ZZZ3: variants seen among roughly 807,000 people sequenced by gnomAD.
ZZZ3 encodes the protein zinc finger ZZ-type containing 3.
ZZZ3 carries 22 observed loss-of-function variants against 95.2 expected under a neutral mutation model. The observed-to-expected ratio is 0.23, with a 90% CI of 0.17 to 0.33. ZZZ3 has a LOEUF of 0.33. ZZZ3 is among the 10% of genes least tolerant of loss of function. The probability of loss-of-function intolerance (pLI) is 1.00; values close to 1 mark genes in which losing one functional copy is unlikely to be tolerated. For missense variants in ZZZ3, 885 were observed against 1,066.5 expected, an observed-to-expected ratio of 0.83 and a Z score of 2.37; for synonymous variants, 335 against 358.9, an observed-to-expected ratio of 0.93 and a Z score of 0.75.
chr1:77,632,204 C>T lies in ZZZ3; in HGVS notation c.1151G>A (p.Arg384Lys), dbSNP rs747036787. The T allele has an allele frequency of 1.3e-5, 21 of 1,613,888 alleles. No individual in the cohort carries two copies. Among genetic ancestry groups the T allele is most frequent in the Non-Finnish European group, 1.7e-5 (20 of 1,180,018 alleles). The change falls in exon 5 of 15, where the codon AGG (arginine) becomes AAG (lysine). Residue 384 changes from arginine (R) to lysine (K), a missense_variant. Transcript: ENST00000370801. ...GGGACTACCTCTGGTAGGGGCTGCCCTTCGTGGTGAGGTTCTCAGAGTATA... is the reference window on the plus strand; with the variant it reads ...GGGACTACCTCTGGTAGGGGCTGCCTTTCGTGGTGAGGTTCTCAGAGTATA... ...HRYTLRTSPRRAAPTRGSPTK... is the reference protein window; with the variant it reads ...HRYTLRTSPRKAAPTRGSPTK...
chr1:77,618,178 C>T (rs1666497207), intron 5 of ZZZ3, among the ~76,000 whole-genome samples: 1 of 149,398 alleles, frequency 6.7e-6, no homozygotes, highest in African/African-American at 2.5e-5. Context: ...AACCTGCCCA[C>T]ATACCTTTTT....
chr1:77,671,026 G>GC (rs1671739689), intron 1 of ZZZ3, among the ~76,000 whole-genome samples: 2 of 145,038 alleles, frequency 1.4e-5, no homozygotes, highest in African/African-American at 5.1e-5. Context: ...GGTGGGGGTT[G>GC]TTTTTTTTAA....
At chr1:77,652,174 G>T (rs1373681790) in intron 1 of ZZZ3, among the ~76,000 whole-genome samples, 1 of 152,056 alleles carries the variant, frequency 6.6e-6, no homozygotes, top group African/African-American at 2.4e-5. Context: ...AAGAACTCAA[G>T]AGAATAAAAA....
intron 5 of ZZZ3, among the ~76,000 whole-genome samples, chr1:77,589,490 G>A (rs968731573): frequency 6.6e-6 from 1 of 151,250 alleles, no homozygotes; most frequent in Non-Finnish European, 1.5e-5. Flanking sequence ...CAGGTTGAAG[G>A]GCAGTGGTGC....
At chr1:77,605,574 AC>A (rs1665152078) in intron 5 of ZZZ3, among the ~76,000 whole-genome samples, 1 of 152,014 alleles carries the variant, frequency 6.6e-6, no homozygotes, top group African/African-American at 2.4e-5. Flanking sequence ...ACAGCTCGTG[AC>A]CCCTTTCTTT....
chr1:77,628,310 C>G (rs1359662768), intron 5 of ZZZ3, among the ~76,000 whole-genome samples: 7 of 152,208 alleles, frequency 4.6e-5, no homozygotes, highest in Non-Finnish European at 1.0e-4. Context: ...TCCTCCACCC[C>G]TAATCTTTCA....
intron 9 of ZZZ3, 23 bp downstream of exon 9, chr1:77,580,975 C>G: frequency 2.5e-6 from 4 of 1,604,934 alleles, no homozygotes; most frequent in Non-Finnish European, 3.4e-6. Flanking sequence ...TTTAAGCCTA[C>G]ACGATTTTGA....
Position 77,589,719 on chromosome 1 carries a change from G to A in ZZZ3, c.1506-5064C>T, listed in dbSNP as rs373998174. On this transcript the variant is annotated intron_variant, in intron 5 of 14. Transcript: ENST00000370801. ...AAACACTCCTCCCGCCACAGCCTCC[G>A]AAAGTGCTAGGATTATAGGCATGAA... 6.6e-5 allele frequency among the ~76,000 whole-genome samples: 10 copies of A among 151,724 alleles called. No individual in the cohort carries two copies. In the East Asian group the frequency reaches 9.8e-4, roughly 15 times the overall value.
intron 5 of ZZZ3, among the ~76,000 whole-genome samples, chr1:77,602,856 G>A (rs557649102): frequency 3.3e-5 from 5 of 151,746 alleles, no homozygotes; most frequent in Admixed American, 6.6e-5. Flanking sequence ...TGCCCACCTC[G>A]GCCTCCCAAA....
chr1:77,579,591 T>C lies in ZZZ3; in HGVS notation c.2018A>G (p.Glu673Gly). The change falls in exon 10 of 15, where the codon GAA becomes GGA. Residue 673 changes from glutamate to glycine, a missense_variant. Physicochemically the swap from Glu to Gly is moderately conservative, Grantham distance 98. Coordinates refer to ENST00000370801, the MANE Select transcript of ZZZ3 (RefSeq NM_015534.6). ...CTGCCAGCGTCGAGATTCTACTTCT[T>C]CAGGAGGGTATTTGATGAGTAGCTG... ...LEQLLIKYPP[E>G]EVESRRWQKI... The C allele has an allele frequency of 6.3e-7, 1 of 1,589,398 alleles. No homozygotes were observed.
rs114587952 is a variant in ZZZ3, at chr1:77,587,649, G to A, written c.1506-2994C>T. 8.9e-4 allele frequency among the ~76,000 whole-genome samples: 136 copies of A among 152,246 alleles called. 1 individual carries two copies. The highest frequency in any genetic ancestry group is 3.0e-3 in the African/African-American group (126 of 41,568). On this transcript the variant is annotated intron_variant, in intron 5 of 14. Transcript: ENST00000370801. ...CACAGCTGTCACTGCATTCAGCTAC[G>A]CTTTAAGAAAGACAAACAGGTTCAT...
chr1:77,658,635 A>G (rs918395837), intron 1 of ZZZ3, among the ~76,000 whole-genome samples: 9 of 151,922 alleles, frequency 5.9e-5, no homozygotes, highest in African/African-American at 2.2e-4. Flanking sequence ...AAATGTTGGG[A>G]TTACAGGCGT....
chr1:77,635,218 C>T (rs1162762227), intron 4 of ZZZ3, among the ~76,000 whole-genome samples: 1 of 152,192 alleles, frequency 6.6e-6, no homozygotes, highest in African/African-American at 2.4e-5. Context: ...AGAAAGTACC[C>T]TGTAAAATAT....
intron 13 of ZZZ3, among the ~76,000 whole-genome samples, chr1:77,567,878 T>C (rs1274407533): frequency 2.6e-5 from 4 of 152,180 alleles, no homozygotes; most frequent in Non-Finnish European, 5.9e-5. Flanking sequence ...ACATTTTACC[T>C]CAATTGATAG....
chr1:77,568,975 T>C (rs1389647911), intron 12 of ZZZ3, among the ~76,000 whole-genome samples: 3 of 152,210 alleles, frequency 2.0e-5, no homozygotes, highest in Non-Finnish European at 4.4e-5. Context: ...CTCAACAAGA[T>C]GAACTGAGTT....
chr1:77,567,190 C>T (rs1346457589), intron 13 of ZZZ3, among the ~76,000 whole-genome samples: 2 of 152,202 alleles, frequency 1.3e-5, no homozygotes, highest in Non-Finnish European at 2.9e-5. Context: ...TTATTACTTC[C>T]TCCAGTCCAA....
chr1:77,675,973 C>A (rs373109316), intron 1 of ZZZ3, among the ~76,000 whole-genome samples: 9 of 152,166 alleles, frequency 5.9e-5, no homozygotes, highest in African/African-American at 1.9e-4. Flanking sequence ...TATTGTGATT[C>A]TGTAACCTGA....
intron 12 of ZZZ3, among the ~76,000 whole-genome samples, chr1:77,570,027 G>A (rs1408041310): frequency 2.6e-5 from 4 of 152,176 alleles, no homozygotes; most frequent in African/African-American, 9.7e-5. Context: ...TAAGTGCTAT[G>A]TTTATTTTAT....
At chr1:77,663,770 C>T (rs547829031) in intron 1 of ZZZ3, among the ~76,000 whole-genome samples, 22 of 149,032 alleles carry the variant, frequency 1.5e-4, no homozygotes, top group Non-Finnish European at 2.5e-4. Flanking sequence ...TTTTTTGAGA[C>T]GGAGTTTCGC....
Sources: gnomAD v4.1 joint callset for allele counts (sites outside exome capture counted in the v4.1 genomes callset) on GRCh38, gnomAD v4.1.1 for gene constraint, MANE v1.5 for transcripts, NCBI Gene and HGNC (gene_info 2026-07-23, HGNC 2026-07-21) for gene names.